The following ZDHHC7 variants were observed in gnomAD, a reference collection of about 807,000 sequenced individuals.
ZDHHC7 encodes the protein zDHHC palmitoyltransferase 7, also known as palmitoyltransferase ZDHHC7.
In ZDHHC7, 12 loss-of-function variants were observed where a neutral mutation model predicts 34.1. The ratio of observed to expected loss-of-function variants is 0.35; its 90% CI spans 0.23 to 0.57. ZDHHC7 has a LOEUF of 0.57. Among genes scored for constraint, ZDHHC7 ranks in the 20% least tolerant of loss-of-function variants. ZDHHC7 has a pLI of 0.84. For missense variants in ZDHHC7, 388 were observed against 402.7 expected, an observed-to-expected ratio of 0.96 and a Z score of 0.31; for synonymous variants, 185 against 155.4, an observed-to-expected ratio of 1.19 and a Z score of -1.42.
chr16:85,024,238 T>G, the ZDHHC7 span, among the ~76,000 whole-genome samples: 12 of 148,482 alleles, frequency 8.1e-5, no homozygotes, highest in East Asian at 6.0e-4. Context: ...TTGTTTTTTT[T>G]TTTTTTTTTT....
intron 3 of ZDHHC7, chr16:84,988,915 G>A: frequency 1.3e-6 from 2 of 1,540,596 alleles, no homozygotes; most frequent in African/African-American, 1.4e-5. Flanking sequence ...AGCTGGACCT[G>A]GCCCTGTAGC....
the ZDHHC7 span, among the ~76,000 whole-genome samples, chr16:85,023,776 G>A: frequency 6.6e-6 from 1 of 151,944 alleles, no homozygotes; most frequent in South Asian, 2.1e-4. Flanking sequence ...GCGCCACCAT[G>A]CCCAGCTAAT....
the ZDHHC7 span, among the ~76,000 whole-genome samples, chr16:85,017,134 G>A: frequency 6.6e-6 from 1 of 152,018 alleles, no homozygotes; most frequent in Middle Eastern, 3.2e-3. Flanking sequence ...TCATGAGCAT[G>A]TATTCATTTT....
intron 3 of ZDHHC7, among the ~76,000 whole-genome samples, chr16:84,988,541 C>A (rs1011038822): frequency 2.6e-5 from 4 of 152,230 alleles, no homozygotes; most frequent in African/African-American, 9.6e-5. Flanking sequence ...GCCCTGCACA[C>A]ACCTTCTACC....
chr16:85,025,582 G>C, the ZDHHC7 span, among the ~76,000 whole-genome samples: 2 of 152,108 alleles, frequency 1.3e-5, no homozygotes, highest in Non-Finnish European at 2.9e-5. Flanking sequence ...GCTAATCTTT[G>C]TATTTTTAGT....
intron 7 of ZDHHC7, among the ~76,000 whole-genome samples, chr16:84,976,880 C>T (rs879521187): frequency 1.3e-5 from 2 of 152,224 alleles, no homozygotes; most frequent in African/African-American, 2.4e-5. Flanking sequence ...GGGAATCTGC[C>T]TGGCTCTGCT....
intron 2 of ZDHHC7, among the ~76,000 whole-genome samples, chr16:84,993,783 T>C (rs1018969472): frequency 1.3e-5 from 2 of 152,218 alleles, no homozygotes; most frequent in Non-Finnish European, 2.9e-5. Flanking sequence ...ATCTTCTGCA[T>C]CTGTCTGCTC....
intron 3 of ZDHHC7, among the ~76,000 whole-genome samples, chr16:84,983,479 C>G (rs933455782): frequency 2.6e-5 from 4 of 152,176 alleles, no homozygotes; most frequent in African/African-American, 9.7e-5. Context: ...CAGGCCAGAG[C>G]TGGAGCCTTG....
intron 5 of ZDHHC7, among the ~76,000 whole-genome samples, chr16:84,978,722 C>T (rs1043829846): frequency 2.0e-5 from 3 of 151,868 alleles, no homozygotes; most frequent in Admixed American, 6.6e-5. Flanking sequence ...ATTAGCCAGG[C>T]GTGGTGGTAC....
chr16:85,002,509 A>G (rs1411714447), intron 1 of ZDHHC7, among the ~76,000 whole-genome samples: 1 of 152,112 alleles, frequency 6.6e-6, no homozygotes. Flanking sequence ...GCATCCTACA[A>G]AAAAATCCCT....
Position 84,985,721 on chromosome 16 carries a change from G to A in ZDHHC7, c.316-3727C>T, listed in dbSNP as rs538254351. Among the ~76,000 whole-genome samples the A allele has an allele frequency of 1.6e-4, 25 of 152,148 alleles. No homozygotes were observed. The South Asian group carries it at 3.3e-3, about 20-fold the overall frequency. On this transcript the variant is annotated intron_variant, in intron 3 of 7. Transcript: ENST00000313732. ...TGTAATCCTAGAACTTTGGGAGGCC[G>A]AGGCAGGCGGATCACTTGAGGTCAA...
At chr16:85,025,308 C>CA in the ZDHHC7 span, among the ~76,000 whole-genome samples, 3 of 151,834 alleles carry the variant, frequency 2.0e-5, no homozygotes, top group South Asian at 4.2e-4. Context: ...GAAGCCAACT[C>CA]AAAGGAGCAG....
Position 84,990,511 on chromosome 16 carries a change from A to G in ZDHHC7, c.108T>C (p.Ala36=). The G allele has an allele frequency of 6.2e-7, 1 of 1,614,226 alleles. No individual in the cohort carries two copies. The highest frequency in any genetic ancestry group is 8.5e-7 in the Non-Finnish European group (1 of 1,180,040). ...CGTCACGGATGAACCAGACCCGGTCAGCCACGTCAGCCTCGGAGGAGGAGG... is the reference window on the plus strand; with the variant it reads ...CGTCACGGATGAACCAGACCCGGTCGGCCACGTCAGCCTCGGAGGAGGAGG... ...SSSSSSEADV[A]DRVWFIRDGC... The change falls in exon 3 of 8, where the codon GCT becomes GCC. Residue 36 remains alanine, a synonymous_variant. Coordinates refer to ENST00000313732, the MANE Select transcript of ZDHHC7 (RefSeq NM_017740.3).
chr16:85,020,194 C>T, the ZDHHC7 span, among the ~76,000 whole-genome samples: 1 of 152,234 alleles, frequency 6.6e-6, no homozygotes, highest in Admixed American at 6.5e-5. Flanking sequence ...TGACCACATC[C>T]ACTGAGTCCT....
At chr16:85,022,431 G>A in the ZDHHC7 span, among the ~76,000 whole-genome samples, 1 of 152,110 alleles carries the variant, frequency 6.6e-6, no homozygotes. Flanking sequence ...ACTGAGGCAG[G>A]AGAATCACTT....
chr16:85,012,655 G>A (rs558016942), upstream of ZDHHC7, among the ~76,000 whole-genome samples: 6 of 152,082 alleles, frequency 3.9e-5, no homozygotes, highest in South Asian at 6.2e-4. Context: ...TGTAATCCCA[G>A]CACTTGTAGG....
At chr16:85,014,415 A>T (rs190234617), upstream of ZDHHC7, among the ~76,000 whole-genome samples, 251 of 152,292 alleles carry the variant, frequency 1.6e-3, 1 homozygote, top group African/African-American at 5.4e-3. Context: ...GAAAAGGTTT[A>T]TTTAACATTC....
chr16:84,984,333 T>A (rs1178832246), intron 3 of ZDHHC7, among the ~76,000 whole-genome samples: 1 of 152,152 alleles, frequency 6.6e-6, no homozygotes, highest in African/African-American at 2.4e-5. Flanking sequence ...GAGTCTTCAA[T>A]CAACTTTCCT....
chr16:85,007,453 T>TGGAAC (rs1436271135), intron 1 of ZDHHC7, among the ~76,000 whole-genome samples: 1 of 144,790 alleles, frequency 6.9e-6, no homozygotes, highest in African/African-American at 2.6e-5. Flanking sequence ...TGGAATGGAA[T>TGGAAC]GGAACTCAGA....
Sources: gnomAD v4.1 joint callset for allele counts (sites outside exome capture counted in the v4.1 genomes callset) on GRCh38, gnomAD v4.1.1 for gene constraint, MANE v1.5 for transcripts, NCBI Gene and HGNC (gene_info 2026-07-23, HGNC 2026-07-21) for gene names.